Variants in FBXW4 observed in about 807,000 individuals in gnomAD.
FBXW4 encodes the protein F-box/WD repeat-containing protein 4.
In FBXW4, 40 loss-of-function variants were observed where a neutral mutation model predicts 61.8. That is an observed-to-expected ratio of 0.65 (90% confidence interval 0.50 to 0.84). The LOEUF (loss-of-function observed/expected upper bound fraction) is 0.84, where lower values mean the gene tolerates loss of function less well. Ranked by LOEUF, FBXW4 falls within the 40% of genes least tolerant of loss-of-function variation. FBXW4 has a pLI of 0.00. For missense variants in FBXW4, 672 were observed against 753.8 expected, an observed-to-expected ratio of 0.89 and a Z score of 1.27; for synonymous variants, 311 against 313.8, an observed-to-expected ratio of 0.99 and a Z score of 0.10.
At position 101,680,297 on chromosome 10, in the gene FBXW4, TG is replaced by T. The variant is rs1309862992; in HGVS notation, c.726-3862del. 5.3e-5 allele frequency among the ~76,000 whole-genome samples: 8 copies of T among 152,216 alleles called. No homozygotes were observed. The East Asian group carries it at 1.5e-3, about 29-fold the overall frequency. ...AGCAGAGATAATTTCCCAATTGAAA[TG>T]GGGATAATAGAAATTATTCTATTGA... is the stretch of plus-strand genomic sequence containing the variant. On this transcript the variant is annotated intron_variant, in intron 1 of 8. Transcript: ENST00000331272.
chr10:101,618,264 C>T (rs1359687200), intron 6 of FBXW4, among the ~76,000 whole-genome samples: 3 of 152,244 alleles, frequency 2.0e-5, no homozygotes, highest in African/African-American at 4.8e-5. Context: ...CCATGGCTGA[C>T]CAGGTGGCCC....
intron 6 of FBXW4, among the ~76,000 whole-genome samples, chr10:101,618,892 GA>G (rs75454639): frequency 0.16 from 24,604 of 149,254 alleles, 2,399 homozygotes; most frequent in Middle Eastern, 0.23. Flanking sequence ...CCCCTTGGCA[GA>G]AAAAAAAAAC....
chr10:101,626,053 C>T (rs139380945), intron 5 of FBXW4: 1 of 152,324 alleles, frequency 6.6e-6, no homozygotes, highest in African/African-American at 2.4e-5. Flanking sequence ...CACTGATTTA[C>T]AATAAAAATT....
At chr10:101,618,999 A>T (rs2063847076) in intron 6 of FBXW4, among the ~76,000 whole-genome samples, 1 of 152,138 alleles carries the variant, frequency 6.6e-6, no homozygotes, top group African/African-American at 2.4e-5. Flanking sequence ...GCTGGGCCCC[A>T]GACAGTCAAC....
In FBXW4 at chr10:101,676,965, T is replaced by C. The variant is rs1258518358; in HGVS notation, c.726-529A>G. Among the ~76,000 whole-genome samples the C allele has an allele frequency of 2.6e-5, 4 of 152,282 alleles. No individual in the cohort carries two copies. In the East Asian group the frequency reaches 7.7e-4, roughly 29 times the overall value. Reference sequence around the variant, plus strand: ...CAAAACATCTGCTCACCAAAATGAATACACAAGCCGTCGTCTGGGAGAAAA... The same window carrying C: ...CAAAACATCTGCTCACCAAAATGAACACACAAGCCGTCGTCTGGGAGAAAA... On this transcript the variant is annotated intron_variant, in intron 1 of 8. Coordinates refer to ENST00000331272, the MANE Select transcript of FBXW4 (RefSeq NM_022039.4).
intron 5 of FBXW4, among the ~76,000 whole-genome samples, chr10:101,664,798 G>C (rs1490359885): frequency 6.6e-6 from 1 of 152,090 alleles, no homozygotes; most frequent in African/African-American, 2.4e-5. Flanking sequence ...AATCAGCATG[G>C]GTGATAAAGT....
chr10:101,630,130 C>T (rs1347746021), intron 5 of FBXW4, among the ~76,000 whole-genome samples: 3 of 152,208 alleles, frequency 2.0e-5, no homozygotes, highest in Admixed American at 6.5e-5. Context: ...CTAATTTGTA[C>T]AAATGAAGGC....
chr10:101,683,483 C>T (rs2134912599), intron 1 of FBXW4, among the ~76,000 whole-genome samples: 1 of 152,284 alleles, frequency 6.6e-6, no homozygotes, highest in East Asian at 1.9e-4. Context: ...ACAACATGCA[C>T]CCACAGTAAG....
chr10:101,658,987 C>T (rs1011184894), intron 5 of FBXW4, among the ~76,000 whole-genome samples: 4 of 151,960 alleles, frequency 2.6e-5, no homozygotes, highest in African/African-American at 9.7e-5. Context: ...AGTTTCCGCT[C>T]TACCATCAGG....
At chr10:101,667,362 A>G (rs923929419) in intron 5 of FBXW4, among the ~76,000 whole-genome samples, 4 of 152,244 alleles carry the variant, frequency 2.6e-5, no homozygotes, top group African/African-American at 9.6e-5. Context: ...TTGCTACAAT[A>G]ATCAATGTTA....
At chr10:101,633,332 T>G (rs1033402033) in intron 5 of FBXW4, among the ~76,000 whole-genome samples, 1 of 152,188 alleles carries the variant, frequency 6.6e-6, no homozygotes, top group Non-Finnish European at 1.5e-5. Context: ...ACCATCATTC[T>G]CAGCAAACTA....
intron 5 of FBXW4, among the ~76,000 whole-genome samples, chr10:101,638,574 T>C (rs1266290133): frequency 1.3e-5 from 2 of 151,806 alleles, no homozygotes; most frequent in Non-Finnish European, 1.5e-5. Flanking sequence ...ATATTTTAAA[T>C]TGTTTGAATT....
At chr10:101,644,067 CT>C (rs1327522982) in intron 5 of FBXW4, among the ~76,000 whole-genome samples, 3 of 152,220 alleles carry the variant, frequency 2.0e-5, no homozygotes, top group African/African-American at 4.8e-5. Context: ...CACAGGGGGC[CT>C]TTGTTCCCCC....
intron 1 of FBXW4, among the ~76,000 whole-genome samples, chr10:101,677,651 T>C (rs2064427921): frequency 6.6e-6 from 1 of 152,142 alleles, no homozygotes; most frequent in South Asian, 2.1e-4. Flanking sequence ...CAGGATGTAG[T>C]GGCTCACAAC....
At chr10:101,618,277 A>G (rs2063841116) in intron 6 of FBXW4, among the ~76,000 whole-genome samples, 1 of 152,348 alleles carries the variant, frequency 6.6e-6, no homozygotes, top group South Asian at 2.1e-4. Context: ...GGTGGCCCTT[A>G]TCAGTGTTCC....
At chr10:101,685,746 C>A (rs2064527389) in intron 1 of FBXW4, among the ~76,000 whole-genome samples, 1 of 152,114 alleles carries the variant, frequency 6.6e-6, no homozygotes. Context: ...ATCAAAAATT[C>A]TAACATTATA....
In FBXW4 at chr10:101,611,076, T is replaced by A. The variant is rs547312618; in HGVS notation, c.*215A>T. The A allele has an allele frequency of 1.6e-5, 9 of 546,270 alleles. No individual in the cohort carries two copies. The East Asian group carries it at 3.1e-4, about 19-fold the overall frequency. 33.8% of individuals were successfully genotyped at this position (546,270 alleles called of 1,614,324 possible). A position where few individuals can be genotyped will look rare whatever the true frequency, so the allele number is the denominator to read the frequency against. ...AGCCGCACTCTAAAGCAGCAGGTCC[T>A]GCCTCTCCAACAGGTTCCTGGGAGG... On this transcript the variant is annotated 3_prime_UTR_variant, in exon 9 of 9. Transcript: ENST00000331272. The surrounding 1 kb of genome is among the most constrained non-coding windows in gnomAD (Gnocchi z 4.9).
chr10:101,665,143 G>C (rs2064285661), intron 5 of FBXW4, among the ~76,000 whole-genome samples: 3 of 152,072 alleles, frequency 2.0e-5, no homozygotes, highest in Admixed American at 1.3e-4. Flanking sequence ...AGAAGAAATG[G>C]ATCTAATAAT....
chr10:101,635,388 C>T (rs1295127859), intron 5 of FBXW4, among the ~76,000 whole-genome samples: 2 of 152,028 alleles, frequency 1.3e-5, no homozygotes, highest in Admixed American at 6.5e-5. Flanking sequence ...AAATGTAATG[C>T]ACTTGAATCA....
Sources: gnomAD v4.1 joint callset for allele counts (sites outside exome capture counted in the v4.1 genomes callset) on GRCh38, gnomAD v4.1.1 for gene constraint, Gnocchi (gnomAD v3.1) non-coding constraint, MANE v1.5 for transcripts, NCBI Gene and HGNC (gene_info 2026-07-23, HGNC 2026-07-21) for gene names.